Variants in CTNNA2 observed in about 807,000 individuals in gnomAD.
The protein encoded by CTNNA2 is catenin alpha-2.
CTNNA2 carries 42 observed loss-of-function variants against 101.0 expected under a neutral mutation model. The ratio of observed to expected loss-of-function variants is 0.42; its 90% CI spans 0.32 to 0.54. The LOEUF (loss-of-function observed/expected upper bound fraction) is 0.54, where lower values mean the gene tolerates loss of function less well. Ranked by LOEUF, CTNNA2 falls within the 20% of genes least tolerant of loss-of-function variation. CTNNA2 has a pLI of 0.14. For synonymous variants in CTNNA2, 450 were observed against 456.4 expected, an observed-to-expected ratio of 0.99 and a Z score of 0.18; for missense variants, 871 against 1,223.1, an observed-to-expected ratio of 0.71 and a Z score of 4.29.
chr2:79,262,708 G>C (rs1166673153), intron 2 of CTNNA2, among the ~76,000 whole-genome samples: 1 of 152,118 alleles, frequency 6.6e-6, no homozygotes, highest in African/African-American at 2.4e-5. Context: ...CAGGCAATCT[G>C]GGTTTAACAA....
At chr2:79,455,420 G>C (rs1159509242) in intron 4 of CTNNA2, among the ~76,000 whole-genome samples, 2 of 152,086 alleles carry the variant, frequency 1.3e-5, no homozygotes, top group African/African-American at 4.8e-5. Flanking sequence ...TGGGCTGGCT[G>C]CATCCCATGG....
At chr2:79,683,783 A>G (rs1006662830) in intron 2 of CTNNA2, among the ~76,000 whole-genome samples, 3 of 152,240 alleles carry the variant, frequency 2.0e-5, no homozygotes, top group Non-Finnish European at 1.5e-5. Context: ...GGCATTGACA[A>G]CACAGATGCA....
intron 7 of CTNNA2, among the ~76,000 whole-genome samples, chr2:80,130,546 T>G (rs796780809): frequency 1.9e-4 from 29 of 152,310 alleles, no homozygotes; most frequent in African/African-American, 6.7e-4. Context: ...AGTAAAAAGA[T>G]GCAAGTTATG....
intron 7 of CTNNA2, among the ~76,000 whole-genome samples, chr2:80,076,782 C>A (rs1298301481): frequency 1.3e-5 from 2 of 151,872 alleles, no homozygotes; most frequent in Non-Finnish European, 2.9e-5. Context: ...AACAAGAAAA[C>A]AGAGTTGCTA....
intron 18 of CTNNA2, among the ~76,000 whole-genome samples, chr2:80,632,318 A>C (rs1230965475): frequency 6.6e-6 from 1 of 151,806 alleles, no homozygotes; most frequent in Non-Finnish European, 1.5e-5. Context: ...CAATGCAGTA[A>C]ATAAGTAACT....
At chr2:79,275,221 A>G (rs192453331) in intron 2 of CTNNA2, among the ~76,000 whole-genome samples, 48 of 152,184 alleles carry the variant, frequency 3.2e-4, no homozygotes, top group Admixed American at 9.8e-4. Flanking sequence ...ATGACAGCAT[A>G]TAGGCTGTGC....
chr2:80,490,707 A>G (rs1304939809), intron 9 of CTNNA2, among the ~76,000 whole-genome samples: 1 of 152,168 alleles, frequency 6.6e-6, no homozygotes, highest in Non-Finnish European at 1.5e-5. Context: ...TCTAAGAAAA[A>G]AAGTCATGAT....
chr2:79,807,050 C>G (rs1015762042), intron 3 of CTNNA2, among the ~76,000 whole-genome samples: 3 of 152,110 alleles, frequency 2.0e-5, no homozygotes, highest in African/African-American at 4.8e-5. Flanking sequence ...TCTGCTCTCT[C>G]CCTGGTCTCC....
chr2:79,938,721 A>T lies in CTNNA2; in HGVS notation c.1056+28924A>T, dbSNP rs187826292. Among the ~76,000 whole-genome samples, 743 of 152,238 alleles carry T rather than the reference A, an allele frequency of 4.9e-3. 7 individuals are homozygous for T. The highest frequency in any genetic ancestry group is 0.027 in the Admixed American group (420 of 15,276). On this transcript the variant is annotated intron_variant, in intron 7 of 18. Coordinates refer to ENST00000402739, the MANE Select transcript of CTNNA2 (RefSeq NM_001282597.3). Reference sequence around the variant, plus strand: ...TAAATGGCACTTGCCAATTTTTTTTAAAAGTATTATCTAGAACACTTTAGG... The same window carrying T: ...TAAATGGCACTTGCCAATTTTTTTTTAAAGTATTATCTAGAACACTTTAGG...
intron 9 of CTNNA2, among the ~76,000 whole-genome samples, chr2:80,529,763 A>G (rs1382160701): frequency 6.6e-6 from 1 of 152,182 alleles, no homozygotes; most frequent in African/African-American, 2.4e-5. Context: ...TAGTCAGAAC[A>G]CCAACTTAAG....
In CTNNA2 at chr2:79,604,303, G is replaced by C. The variant is rs187542009; in HGVS notation, c.-5-47249G>C. ...ATGGCATGAGGCCAGATTTAACCCT[G>C]TCTGAAAATATATGAAATCATGTTT... On this transcript the variant is annotated intron_variant, in intron 1 of 18. Transcript: ENST00000402739. 4.5e-3 allele frequency among the ~76,000 whole-genome samples: 685 copies of C among 152,314 alleles called. 5 individuals are homozygous for C. Among genetic ancestry groups the C allele is most frequent in the Non-Finnish European group, 4.7e-3 (319 of 68,032 alleles).
intron 7 of CTNNA2, among the ~76,000 whole-genome samples, chr2:80,090,950 G>A (rs1699758261): frequency 6.6e-6 from 1 of 152,062 alleles, no homozygotes; most frequent in Admixed American, 6.6e-5. Context: ...AGAATTATCA[G>A]CAGAGAATGT....
In CTNNA2 at chr2:80,149,774, T is replaced by TCTCA. The variant is rs377159450; in HGVS notation, c.1056+239978_1056+239979insTCAC. On this transcript the variant is annotated intron_variant, in intron 7 of 18. Transcript: ENST00000402739. ...TCAGGGAATACTCGATTAGAATGGA[T>TCTCA]CACACACACACACACACACACACAC... 4.3e-3 allele frequency among the ~76,000 whole-genome samples: 616 copies of TCTCA among 143,386 alleles called. 6 individuals carry two copies. Among genetic ancestry groups the TCTCA allele is most frequent in the African/African-American group, 0.014 (523 of 38,618 alleles). 94.1% of individuals were successfully genotyped at this position (143,386 alleles called of 152,430 possible).
intron 18 of CTNNA2, among the ~76,000 whole-genome samples, chr2:80,619,875 T>C (rs765387748): frequency 1.3e-5 from 2 of 151,930 alleles, no homozygotes; most frequent in African/African-American, 2.4e-5. Flanking sequence ...TGCTGTTTCA[T>C]AGGGTCTCTT....
At chr2:79,260,514 A>G (rs1288055016) in intron 2 of CTNNA2, among the ~76,000 whole-genome samples, 1 of 152,226 alleles carries the variant, frequency 6.6e-6, no homozygotes. Flanking sequence ...GAATAGAAAT[A>G]AAGACTAGAA....
intron 1 of CTNNA2, among the ~76,000 whole-genome samples, chr2:79,561,804 C>T (rs570668082): frequency 6.6e-6 from 1 of 151,666 alleles, no homozygotes; most frequent in Non-Finnish European, 1.5e-5. Flanking sequence ...GGGCTATTTG[C>T]ATTTGTCTTT....
intron 2 of CTNNA2, among the ~76,000 whole-genome samples, chr2:79,670,960 C>T (rs1479460858): frequency 1.3e-5 from 2 of 152,120 alleles, no homozygotes; most frequent in Non-Finnish European, 1.5e-5. Context: ...TAAAAATCAT[C>T]GCAATAAATA....
chr2:79,533,879 T>G (rs1185053157), intron 1 of CTNNA2, among the ~76,000 whole-genome samples: 1 of 152,092 alleles, frequency 6.6e-6, no homozygotes, highest in East Asian at 1.9e-4. Flanking sequence ...CTACATTAAT[T>G]TGGCACAAAA....
chr2:79,821,773 A>C (rs963553294), intron 3 of CTNNA2, among the ~76,000 whole-genome samples: 11 of 152,286 alleles, frequency 7.2e-5, no homozygotes, highest in African/African-American at 2.6e-4. Flanking sequence ...CATATAGAAC[A>C]TATGGAACAA....
Sources: gnomAD v4.1 joint callset for allele counts (sites outside exome capture counted in the v4.1 genomes callset) on GRCh38, gnomAD v4.1.1 for gene constraint, MANE v1.5 for transcripts, NCBI Gene and HGNC (gene_info 2026-07-23, HGNC 2026-07-21) for gene names.